PXK: variants seen among roughly 807,000 people sequenced by gnomAD.
PXK encodes PX domain containing serine/threonine kinase like, also known as PX domain-containing protein kinase-like protein.
PXK carries 35 observed loss-of-function variants against 84.7 expected under a neutral mutation model. That is an observed-to-expected ratio of 0.41 (90% CI 0.32 to 0.55). The LOEUF is 0.55. Ranked by LOEUF, PXK falls within the 20% of genes least tolerant of loss-of-function variation. The pLI is 0.21. For synonymous variants in PXK, 253 were observed against 260.8 expected (o/e 0.97, Z 0.29); for missense variants, 634 against 699.7 (o/e 0.91, Z 1.06).
chr3:58,423,197 A>T (rs995581232), intron 17 of PXK: 31 of 984,486 alleles, frequency 3.1e-5, no homozygotes, highest in Non-Finnish European at 3.6e-5. Flanking sequence ...ACACATGCTT[A>T]TTCTCCGTTT....
In PXK at chr3:58,379,024, G is replaced by A. The variant is rs573914544; in HGVS notation, c.202-3490G>A. On this transcript the variant is annotated intron_variant, in intron 3 of 17. Coordinates refer to ENST00000356151, the MANE Select transcript of PXK (RefSeq NM_017771.5). The surrounding 1 kb of genome is among the most constrained non-coding windows in gnomAD (Gnocchi z 5.1). The stretch of plus-strand genomic sequence containing the variant: ...TGCAGCCTCCGCCTCCTGGGTTCAA[G>A]CAATTCTCCTGCCTCAGCCTCCTGA... 1.3e-5 allele frequency among the ~76,000 whole-genome samples: 2 copies of A among 151,918 alleles called. No individual in the cohort carries two copies. Among genetic ancestry groups the A allele is most frequent in the South Asian group, 4.2e-4 (2 of 4,806 alleles).
At chr3:58,354,448 G>GTTT (rs1201406097) in intron 1 of PXK, among the ~76,000 whole-genome samples, 4 of 143,216 alleles carry the variant, frequency 2.8e-5, no homozygotes, top group Admixed American at 7.0e-5. Flanking sequence ...CTGCTTCCTA[G>GTTT]TTTTTTTTTT....
intron 12 of PXK, among the ~76,000 whole-genome samples, chr3:58,402,134 C>T (rs1290011797): frequency 6.6e-6 from 1 of 152,060 alleles, no homozygotes; most frequent in Non-Finnish European, 1.5e-5. Flanking sequence ...ACCCAAGCAA[C>T]CATTTCTATT....
At chr3:58,387,061 G>T (rs2098557380) in intron 4 of PXK, among the ~76,000 whole-genome samples, 1 of 152,226 alleles carries the variant, frequency 6.6e-6, no homozygotes, top group Non-Finnish European at 1.5e-5. Context: ...AGAGGAGTCA[G>T]TGTTTGTTCC....
At chr3:58,357,335 G>A (rs1213715242) in intron 1 of PXK, among the ~76,000 whole-genome samples, 2 of 151,538 alleles carry the variant, frequency 1.3e-5, no homozygotes, top group Non-Finnish European at 2.9e-5. Context: ...GGCCTACACA[G>A]TATCAAGATC....
Position 58,424,754 on chromosome 3 carries a change from A to AT in PXK, c.1532dup (p.Ser512IlefsTer60). On this transcript the variant is annotated frameshift_variant, in exon 18 of 18. Coordinates refer to ENST00000356151, the MANE Select transcript of PXK (RefSeq NM_017771.5). LOFTEE classifies it high-confidence loss of function. ...ATTGTCCCCCTTTTCCTCCACAGGGATATCTGCATTACCTCCACCTCCTCC... is the reference window on the plus strand; with the variant it reads ...ATTGTCCCCCTTTTCCTCCACAGGGATTATCTGCATTACCTCCACCTCCTCC... The AT allele has an allele frequency of 6.2e-7, 1 of 1,613,256 alleles. No homozygotes were observed. The highest frequency in any genetic ancestry group is 8.5e-7 in the Non-Finnish European group (1 of 1,179,864).
intron 17 of PXK, among the ~76,000 whole-genome samples, chr3:58,417,456 G>A (rs146061825): frequency 1.8e-3 from 278 of 152,202 alleles, no homozygotes; most frequent in African/African-American, 6.4e-3. Context: ...GTAAGGGTTG[G>A]GGCCCCTCCC....
At position 58,399,883 on chromosome 3, in the gene PXK, T is replaced by C. The variant is rs149642027; in HGVS notation, c.1181+506T>C. The stretch of plus-strand genomic sequence containing the variant: ...GGGTACTATTTATTAAACTCTAGCA[T>C]GTACCAGGCACTGTTCTAGGGTCTT... On this transcript the variant is annotated intron_variant, in intron 12 of 17. Transcript: ENST00000356151. The surrounding 1 kb of genome is among the most constrained non-coding windows in gnomAD (Gnocchi z 4.3). Among the ~76,000 whole-genome samples, 1 of 152,164 alleles carries C rather than the reference T, an allele frequency of 6.6e-6. No homozygotes were observed. The highest frequency in any genetic ancestry group is 1.9e-4 in the East Asian group (1 of 5,166).
At chr3:58,392,342 A>G (rs939142847) in intron 7 of PXK, among the ~76,000 whole-genome samples, 18 of 152,250 alleles carry the variant, frequency 1.2e-4, no homozygotes, top group Admixed American at 1.0e-3. Flanking sequence ...CCTTCAGTGC[A>G]AAGAACCACG....
In PXK at chr3:58,391,135, C is replaced by A; in HGVS notation, c.467-12C>A. On this transcript the variant is annotated splice_polypyrimidine_tract_variant and intron_variant, in intron 5 of 17. Coordinates refer to ENST00000356151, the MANE Select transcript of PXK (RefSeq NM_017771.5). ...TTGTGCAGCTCTAAGCACATTTTTGCTTTTATGGCAGGTTGGAGAATAAGG... is the reference window on the plus strand; with the variant it reads ...TTGTGCAGCTCTAAGCACATTTTTGATTTTATGGCAGGTTGGAGAATAAGG... The A allele has an allele frequency of 1.2e-6, 2 of 1,607,444 alleles. No individual in the cohort carries two copies. Among genetic ancestry groups the A allele is most frequent in the Non-Finnish European group, 8.5e-7 (1 of 1,174,948 alleles).
At chr3:58,334,506 C>G (rs1045663526) in intron 1 of PXK, among the ~76,000 whole-genome samples, 1 of 152,128 alleles carries the variant, frequency 6.6e-6, no homozygotes, top group Non-Finnish European at 1.5e-5. Context: ...GTCTTATAAC[C>G]TTTCAGGGAA....
At chr3:58,350,642 C>G in intron 1 of PXK, among the ~76,000 whole-genome samples, 1 of 152,172 alleles carries the variant, frequency 6.6e-6, no homozygotes, top group East Asian at 1.9e-4. Flanking sequence ...TCTACCCTCT[C>G]TGAGCTTCAG....
At chr3:58,384,185 C>T (rs7647078) in intron 4 of PXK, among the ~76,000 whole-genome samples, 44,656 of 152,092 alleles carry the variant, frequency 0.29, 7,338 homozygotes, top group Middle Eastern at 0.4. Flanking sequence ...GTTCTCTGAC[C>T]AGCAGCATTG....
intron 16 of PXK, among the ~76,000 whole-genome samples, chr3:58,410,754 C>T (rs2060082583): frequency 6.6e-6 from 1 of 152,194 alleles, no homozygotes; most frequent in African/African-American, 2.4e-5. Context: ...TGGGGGCCTT[C>T]CAGTTTTTCT....
Position 58,332,999 on chromosome 3 carries a change from TG to T in PXK, c.13del (p.Glu5ArgfsTer16). On this transcript the variant is annotated frameshift_variant, in exon 1 of 18. Transcript: ENST00000356151. LOFTEE classifies it high-confidence loss of function. This position sits in a 1 kb window ranked among gnomAD's most constrained non-coding sequence, Gnocchi z 5.6. MAF[M>X]EKPPAGKVLL... is the part of the protein sequence containing the mutation. ...GCCGGGCGTCCCGGGATGGCCTTCA[TG>T]GAGAAGCCGCCAGCCGGCAAGGTGC... 1 of 1,364,338 alleles carries T rather than the reference TG, an allele frequency of 7.3e-7. No homozygotes were observed. Among genetic ancestry groups the T allele is most frequent in the South Asian group, 1.4e-5 (1 of 69,514 alleles). 84.5% of individuals were successfully genotyped at this position (1,364,338 alleles called of 1,614,324 possible).
At chr3:58,352,750 G>A (rs527253860) in intron 1 of PXK, among the ~76,000 whole-genome samples, 1 of 152,240 alleles carries the variant, frequency 6.6e-6, no homozygotes, top group East Asian at 1.9e-4. Flanking sequence ...AAGGATTTTG[G>A]AGTGCTTCTT....
At chr3:58,420,783 A>G in intron 17 of PXK, 1 of 1,370,928 alleles carries the variant, frequency 7.3e-7, no homozygotes. Context: ...ATGACCTTCA[A>G]AATCTTCATT....
rs543740951 is a variant in PXK at position 58,373,408 on chromosome 3, C to T, written c.201+3930C>T. Among the ~76,000 whole-genome samples, 4 of 152,200 alleles carry T rather than the reference C, an allele frequency of 2.6e-5. No homozygotes were observed. In the East Asian group the frequency reaches 5.8e-4, roughly 22 times the overall value. On this transcript the variant is annotated intron_variant, in intron 3 of 17. Coordinates refer to ENST00000356151, the MANE Select transcript of PXK (RefSeq NM_017771.5). ...CATTTCTTCTCTTGGGTTTCACTTT[C>T]GCCGCTGAAATAAAGGGGTTGAACT...
Position 58,423,420 on chromosome 3 carries a change from A to G in PXK, c.1529-1332A>G, listed in dbSNP as rs555678150. 1.2e-5 allele frequency: 19 copies of G among 1,522,150 alleles called. No homozygotes were observed. In the African/African-American group the frequency reaches 2.6e-4, roughly 21 times the overall value. The allele number at this position is 1,522,150 out of a possible 1,614,324, so 94.3% of individuals were successfully genotyped here. On this transcript the variant is annotated intron_variant, in intron 17 of 17. Coordinates refer to ENST00000356151, the MANE Select transcript of PXK (RefSeq NM_017771.5). The stretch of plus-strand genomic sequence containing the variant: ...CTATCTTTGAGCATTCCAAGATTGC[A>G]GAGCATGAGCGTGTGTATTTGTGTG...
Sources: allele counts gnomAD v4.1 joint callset (sites outside exome capture counted in the v4.1 genomes callset), GRCh38; gene constraint gnomAD v4.1.1; non-coding constraint Gnocchi (gnomAD v3.1); transcripts MANE v1.5; gene names NCBI Gene and HGNC (gene_info 2026-07-23, HGNC 2026-07-21).